Variants in MAP4K4 observed in about 807,000 individuals in gnomAD.
MAP4K4 encodes the protein mitogen-activated protein kinase kinase kinase kinase 4.
MAP4K4 carries 38 observed loss-of-function variants against 189.6 expected under a neutral mutation model. The ratio of observed to expected loss-of-function variants is 0.20; its 90% CI spans 0.15 to 0.26. The LOEUF (loss-of-function observed/expected upper bound fraction) is 0.26. Ranked by LOEUF, MAP4K4 falls within the 10% of genes least tolerant of loss-of-function variation. The pLI, the probability that MAP4K4 is intolerant of heterozygous loss-of-function variation, is 1.00. For synonymous variants in MAP4K4, 610 were observed against 624.3 expected, an observed-to-expected ratio of 0.98 and a Z score of 0.34; for missense variants, 1,054 against 1,726.9, an observed-to-expected ratio of 0.61 and a Z score of 6.91.
At chr2:101,710,785 C>T (rs897939131) in intron 2 of MAP4K4, among the ~76,000 whole-genome samples, 1 of 152,104 alleles carries the variant, frequency 6.6e-6, no homozygotes, top group Admixed American at 6.5e-5. Flanking sequence ...ATATGTGGAG[C>T]AGTGAACAGT....
At chr2:101,833,306 C>G (rs1276279990) in intron 7 of MAP4K4, among the ~76,000 whole-genome samples, 1 of 151,850 alleles carries the variant, frequency 6.6e-6, no homozygotes, top group Non-Finnish European at 1.5e-5. Context: ...TTCAAAAATC[C>G]TTTTTTTTGG....
At chr2:101,743,260 C>T (rs1052310778) in intron 2 of MAP4K4, among the ~76,000 whole-genome samples, 3 of 152,140 alleles carry the variant, frequency 2.0e-5, no homozygotes, top group African/African-American at 7.2e-5. Context: ...TTGATTAATG[C>T]TCTTTTGCCT....
intron 18 of MAP4K4, 67 bp from the exon 19 acceptor site, chr2:101,866,361 T>A: frequency 6.7e-7 from 1 of 1,488,180 alleles, no homozygotes; most frequent in East Asian, 2.3e-5. Flanking sequence ...ACCATGCACA[T>A]GTTGGTAATT....
intron 3 of MAP4K4, among the ~76,000 whole-genome samples, chr2:101,800,647 G>A (rs1251629014): frequency 6.6e-6 from 1 of 152,076 alleles, no homozygotes; most frequent in Non-Finnish European, 1.5e-5. Context: ...ATTTTGGTTC[G>A]TTGGGACTGG....
intron 6 of MAP4K4, among the ~76,000 whole-genome samples, chr2:101,831,514 C>T (rs557918032): frequency 4.8e-4 from 73 of 151,652 alleles, no homozygotes; most frequent in African/African-American, 1.3e-3. Flanking sequence ...AGCTTCCAGA[C>T]TGGTAGAGGA....
chr2:101,831,940 C>T, intron 7 of MAP4K4, 89 bp downstream of exon 7: 1 of 1,453,232 alleles, frequency 6.9e-7, no homozygotes, highest in Non-Finnish European at 9.3e-7. Context: ...CACCCCTTGT[C>T]TGCCTGCCTT....
intron 3 of MAP4K4, among the ~76,000 whole-genome samples, chr2:101,813,175 A>G (rs17026143): frequency 0.068 from 10,381 of 152,252 alleles, 456 homozygotes; most frequent in African/African-American, 0.12. Flanking sequence ...GACTTCCACT[A>G]TGAAGTTAGA....
rs989200438 is a variant in MAP4K4, at chr2:101,869,528, T to C, written c.2464-94T>C. 5 of 962,148 alleles carry C rather than the reference T, an allele frequency of 5.2e-6. No individual in the cohort carries two copies. The African/African-American group carries it at 8.2e-5, about 16-fold the overall frequency. The allele number at this position is 962,148 out of a possible 1,614,324, so 59.6% of individuals were successfully genotyped here. On this transcript the variant is annotated intron_variant, in intron 21 of 32. Transcript: ENST00000324219. ...GGTAACTATAAAAGTCTTACAAAACTGACATTGTGGCAATTTATGGTTAAA... is the reference window on the plus strand; with the variant it reads ...GGTAACTATAAAAGTCTTACAAAACCGACATTGTGGCAATTTATGGTTAAA...
chr2:101,764,459 CCTCTT>C (rs1307117645), intron 2 of MAP4K4, among the ~76,000 whole-genome samples: 1 of 152,192 alleles, frequency 6.6e-6, no homozygotes, highest in Non-Finnish European at 1.5e-5. Context: ...ATTCTGCCTA[CCTCTT>C]TGAGGTTGAT....
At chr2:101,762,111 T>C (rs1279169316) in intron 2 of MAP4K4, among the ~76,000 whole-genome samples, 1 of 152,110 alleles carries the variant, frequency 6.6e-6, no homozygotes, top group Non-Finnish European at 1.5e-5. Flanking sequence ...GATTAGAAGG[T>C]ATATGGGTGG....
In MAP4K4 at chr2:101,874,065, A is replaced by T; in HGVS notation, c.3071-17A>T. On this transcript the variant is annotated splice_polypyrimidine_tract_variant and intron_variant, in intron 25 of 32. Transcript: ENST00000324219. ...TGTGTGTGTACAGAAAATAATTTCA[A>T]ATATATTGTGTTTCAGTGGGATTTT... 6.2e-7 allele frequency: 1 copy of T among 1,608,912 alleles called. No individual in the cohort carries two copies. The highest frequency in any genetic ancestry group is 8.5e-7 in the Non-Finnish European group (1 of 1,176,950).
intron 2 of MAP4K4, among the ~76,000 whole-genome samples, chr2:101,789,583 C>T (rs924262766): frequency 6.6e-6 from 1 of 152,150 alleles, no homozygotes; most frequent in Non-Finnish European, 1.5e-5. Flanking sequence ...AACTTGAGTT[C>T]CTACACAGAC....
chr2:101,807,194 G>T (rs546083888), intron 3 of MAP4K4, among the ~76,000 whole-genome samples: 1 of 152,134 alleles, frequency 6.6e-6, no homozygotes, highest in Middle Eastern at 3.4e-3. Flanking sequence ...GGGGTTATAG[G>T]TGTGTGCCAC....
chr2:101,761,500 T>C (rs1032569997), intron 2 of MAP4K4, among the ~76,000 whole-genome samples: 6 of 151,946 alleles, frequency 3.9e-5, no homozygotes, highest in African/African-American at 1.2e-4. Context: ...CCTTCAGGAT[T>C]CTCTCACTTT....
intron 3 of MAP4K4, chr2:101,797,126 C>A: frequency 1.1e-6 from 1 of 877,752 alleles, no homozygotes. Flanking sequence ...TTACCCTTTT[C>A]ATTTGGAGGG....
intron 2 of MAP4K4, among the ~76,000 whole-genome samples, chr2:101,745,328 A>ACCCC (rs1210718503): frequency 9.1e-5 from 5 of 54,876 alleles, no homozygotes; most frequent in African/African-American, 5.2e-4. Context: ...TGAAAATATC[A>ACCCC]CCCCCCCCCC....
intron 2 of MAP4K4, among the ~76,000 whole-genome samples, chr2:101,729,095 A>AGTGTGTGT (rs2057109541): frequency 2.0e-5 from 2 of 102,470 alleles, no homozygotes; most frequent in Non-Finnish European, 4.0e-5. Flanking sequence ...AGAGAGAGAG[A>AGTGTGTGT]GAGAGAGTGT....
chr2:101,751,545 T>A (rs545723077), intron 2 of MAP4K4, among the ~76,000 whole-genome samples: 1 of 152,336 alleles, frequency 6.6e-6, no homozygotes, highest in East Asian at 1.9e-4. Flanking sequence ...ATTGGGTACA[T>A]ACTGAATACT....
At chr2:101,780,234 C>T (rs2086642811) in intron 2 of MAP4K4, among the ~76,000 whole-genome samples, 1 of 152,118 alleles carries the variant, frequency 6.6e-6, no homozygotes. Context: ...GGATGAGGAG[C>T]CCAGAATGGA....
Sources: gnomAD v4.1 joint callset for allele counts (sites outside exome capture counted in the v4.1 genomes callset) on GRCh38, gnomAD v4.1.1 for gene constraint, MANE v1.5 for transcripts, NCBI Gene and HGNC (gene_info 2026-07-23, HGNC 2026-07-21) for gene names.